The following TDRD3 variants were observed in gnomAD, a reference collection of about 807,000 sequenced individuals.
The protein encoded by TDRD3 is tudor domain containing 3.
A neutral mutation model predicts 86.7 loss-of-function variants in TDRD3; 45 were observed. That is an observed-to-expected ratio of 0.52 (90% confidence interval 0.41 to 0.67). TDRD3 has a LOEUF of 0.67. Ranked by LOEUF, TDRD3 falls within the 30% of genes least tolerant of loss-of-function variation. The pLI is 0.00. For synonymous variants in TDRD3, 298 were observed against 301.7 expected, an observed-to-expected ratio of 0.99 and a Z score of 0.13; for missense variants, 814 against 889.0, an observed-to-expected ratio of 0.92 and a Z score of 1.07.
In TDRD3 at chr13:60,529,153, T is replaced by C; in HGVS notation, c.1928T>C (p.Met643Thr). 1 of 1,612,038 alleles carries C rather than the reference T, an allele frequency of 6.2e-7. No individual in the cohort carries two copies. Among genetic ancestry groups the C allele is most frequent in the Non-Finnish European group, 8.5e-7 (1 of 1,179,374 alleles). The change falls in exon 11 of 14, where the codon ATG (methionine) becomes ACG (threonine). Residue 643 changes from methionine to threonine, a missense_variant. Met to Thr is a moderately conservative substitution (Grantham distance 81). Transcript: ENST00000377881. ...PEKILESSIPMEYAKMWKPGD... is the reference protein window; with the variant it reads ...PEKILESSIPTEYAKMWKPGD... ...AAAATACTAGAATCATCTATTCCTA[T>C]GGAGTATGCAAAAATGTGGAAACCT...
intron 10 of TDRD3, among the ~76,000 whole-genome samples, chr13:60,520,725 T>G (rs980379164): frequency 6.6e-6 from 1 of 152,174 alleles, no homozygotes; most frequent in Non-Finnish European, 1.5e-5. Flanking sequence ...TAGGAGAGCG[T>G]TGACGACACC....
At chr13:60,489,024 T>TAGGG (rs1451009367) in intron 7 of TDRD3, among the ~76,000 whole-genome samples, 2 of 152,180 alleles carry the variant, frequency 1.3e-5, no homozygotes, top group African/African-American at 4.8e-5. Context: ...CTCTGTTGAT[T>TAGGG]GAATTCTTAG....
chr13:60,397,333 GC>G lies in TDRD3; in HGVS notation c.-26del, dbSNP rs941758244. On this transcript the variant is annotated 5_prime_UTR_variant, in exon 1 of 14. An upstream open reading frame in the 5' UTR loses its in-frame stop. Coordinates refer to ENST00000377881, the MANE Select transcript of TDRD3 (RefSeq NM_001146070.2). ...AGGCCTCCCCATCACCCCCACCCCA[GC>G]CCCCCACCACCCCCGGCCTAAGCAG... 109 of 878,766 alleles carry G rather than the reference GC, an allele frequency of 1.2e-4. No individual in the cohort carries two copies. Among genetic ancestry groups the G allele is most frequent in the Non-Finnish European group, 1.7e-4 (105 of 617,606 alleles). 54.4% of individuals were successfully genotyped at this position (878,766 alleles called of 1,614,324 possible).
intron 4 of TDRD3, among the ~76,000 whole-genome samples, chr13:60,465,749 T>G (rs1955906384): frequency 6.6e-6 from 1 of 152,192 alleles, no homozygotes; most frequent in Non-Finnish European, 1.5e-5. Context: ...TGGTTTGCTC[T>G]TGCATATATT....
intron 1 of TDRD3, among the ~76,000 whole-genome samples, chr13:60,407,567 T>G (rs1311280720): frequency 6.6e-6 from 1 of 152,156 alleles, no homozygotes; most frequent in African/African-American, 2.4e-5. Context: ...CTAGTGATAA[T>G]GAAGATAATA....
At chr13:60,511,228 G>T (rs576198129) in intron 10 of TDRD3, among the ~76,000 whole-genome samples, 8 of 152,230 alleles carry the variant, frequency 5.3e-5, no homozygotes, top group Non-Finnish European at 8.8e-5. Context: ...TGGTAAATAT[G>T]CAGCCTTTTT....
intron 8 of TDRD3, among the ~76,000 whole-genome samples, chr13:60,502,406 C>T (rs1956853820): frequency 6.6e-6 from 1 of 152,200 alleles, no homozygotes; most frequent in African/African-American, 2.4e-5. Flanking sequence ...ATTTTTCTCT[C>T]TCTAGTCCTT....
At chr13:60,453,169 A>C (rs1187289157) in intron 3 of TDRD3, among the ~76,000 whole-genome samples, 1 of 152,244 alleles carries the variant, frequency 6.6e-6, no homozygotes, top group Non-Finnish European at 1.5e-5. Context: ...GACAATACAC[A>C]TGAATAATGT....
chr13:60,564,533 G>A (rs1958405872), intron 12 of TDRD3, among the ~76,000 whole-genome samples: 1 of 152,136 alleles, frequency 6.6e-6, no homozygotes, highest in Non-Finnish European at 1.5e-5. Context: ...CTGTGAGTCA[G>A]AAAGAAAATG....
intron 1 of TDRD3, among the ~76,000 whole-genome samples, chr13:60,431,300 A>G (rs1322396155): frequency 6.6e-6 from 1 of 151,992 alleles, no homozygotes; most frequent in Admixed American, 6.6e-5. Context: ...GTTGTCATCT[A>G]GTGGTGCTTT....
intron 10 of TDRD3, among the ~76,000 whole-genome samples, chr13:60,511,575 A>C (rs1834986007): frequency 6.6e-6 from 1 of 152,214 alleles, no homozygotes; most frequent in Non-Finnish European, 1.5e-5. Flanking sequence ...ATGCAACTTT[A>C]TTACCTTATA....
At chr13:60,458,914 A>G (rs569156681) in intron 3 of TDRD3, among the ~76,000 whole-genome samples, 1 of 152,358 alleles carries the variant, frequency 6.6e-6, no homozygotes, top group Non-Finnish European at 1.5e-5. Flanking sequence ...GATTTAATTT[A>G]AATGTCCTTA....
chr13:60,505,565 C>T (rs762910467), intron 8 of TDRD3, among the ~76,000 whole-genome samples: 29 of 152,318 alleles, frequency 1.9e-4, no homozygotes, highest in Middle Eastern at 3.4e-3. Flanking sequence ...AGCAGCGGAT[C>T]TCTCAGCACA....
chr13:60,462,880 A>G (rs9538711), intron 4 of TDRD3, among the ~76,000 whole-genome samples: 20,758 of 152,174 alleles, frequency 0.14, 1,494 homozygotes, highest in East Asian at 0.2. Flanking sequence ...CTACAAATCT[A>G]TAGTAACCAA....
At chr13:60,428,841 G>A (rs1036418180) in intron 1 of TDRD3, among the ~76,000 whole-genome samples, 1 of 152,152 alleles carries the variant, frequency 6.6e-6, no homozygotes. Flanking sequence ...TCTTTGAAGA[G>A]TCTGGAGTTT....
chr13:60,529,255 GA>G (rs1566277589), intron 11 of TDRD3, 38 bp downstream of exon 11: 1 of 1,516,188 alleles, frequency 6.6e-7, no homozygotes, highest in Non-Finnish European at 8.8e-7. Flanking sequence ...CTAATATTAC[GA>G]AATGTAACAT....
chr13:60,486,028 C>A, intron 7 of TDRD3, 80 bp downstream of exon 7: 1 of 1,381,166 alleles, frequency 7.2e-7, no homozygotes, highest in Non-Finnish European at 9.5e-7. Flanking sequence ...ATTGTCTTTT[C>A]ATATAAGCTA....
chr13:60,424,209 G>A (rs1260937651), intron 1 of TDRD3, among the ~76,000 whole-genome samples: 2 of 139,724 alleles, frequency 1.4e-5, no homozygotes, highest in Admixed American at 1.4e-4. Context: ...TTTTGGTGGA[G>A]ACGGGGTTTC....
At chr13:60,415,611 A>G (rs935988470) in intron 1 of TDRD3, among the ~76,000 whole-genome samples, 10 of 152,158 alleles carry the variant, frequency 6.6e-5, no homozygotes, top group Admixed American at 3.3e-4. Flanking sequence ...GAGAATTTTG[A>G]AGAGTACATT....
Sources: allele counts gnomAD v4.1 joint callset (sites outside exome capture counted in the v4.1 genomes callset), GRCh38; gene constraint gnomAD v4.1.1; transcripts MANE v1.5; gene names NCBI Gene and HGNC (gene_info 2026-07-23, HGNC 2026-07-21).